Variants in ALPK1 observed in about 807,000 individuals in gnomAD.
The protein encoded by ALPK1 is alpha kinase 1.
Under a neutral mutation model 120.6 loss-of-function variants are expected in ALPK1, and 110 were observed. The ratio of observed to expected loss-of-function variants is 0.91; its 90% CI spans 0.78 to 1.07. The LOEUF (loss-of-function observed/expected upper bound fraction) is 1.07. Ranked by LOEUF, ALPK1 falls within the 50% of genes least tolerant of loss-of-function variation. The pLI, the probability that ALPK1 is intolerant of heterozygous loss-of-function variation, is 0.00. For missense variants in ALPK1, 1,498 were observed against 1,483.9 expected, an observed-to-expected ratio of 1.01 and a Z score of -0.16; for synonymous variants, 582 against 560.3, an observed-to-expected ratio of 1.04 and a Z score of -0.55.
At chr4:112,370,757 G>A (rs1172984176) in intron 2 of ALPK1, among the ~76,000 whole-genome samples, 1 of 152,300 alleles carries the variant, frequency 6.6e-6, no homozygotes, top group African/African-American at 2.4e-5. Flanking sequence ...ACAGAGAAAA[G>A]GGAAAATGCT....
intron 4 of ALPK1, among the ~76,000 whole-genome samples, chr4:112,408,473 C>CT (rs754785103): frequency 0.056 from 7,964 of 143,488 alleles, 402 homozygotes; most frequent in African/African-American, 0.13. Flanking sequence ...CAATGACTGA[C>CT]TTTTTTTTTT....
chr4:112,426,544 G>C lies in ALPK1; in HGVS notation c.699+1G>C. 1.9e-6 allele frequency: 3 copies of C among 1,570,314 alleles called. No individual in the cohort carries two copies. The highest frequency in any genetic ancestry group is 2.6e-6 in the Non-Finnish European group (3 of 1,162,924). ...GGCACTTCCTCAGCCGGATAAAAAG[G>C]TGGTTTGTCTAGTGCTTCTTTTTCT... On this transcript the variant is annotated splice_donor_variant, in intron 8 of 15. Transcript: ENST00000650871. LOFTEE classifies it high-confidence loss of function.
At chr4:112,312,285 T>A (rs1464161487) in intron 1 of ALPK1, among the ~76,000 whole-genome samples, 1 of 152,300 alleles carries the variant, frequency 6.6e-6, no homozygotes, top group African/African-American at 2.4e-5. Flanking sequence ...AGATTCTTTT[T>A]TTTTTTGAGA....
At chr4:112,323,968 G>A (rs976627028) in intron 2 of ALPK1, among the ~76,000 whole-genome samples, 1 of 152,188 alleles carries the variant, frequency 6.6e-6, no homozygotes, top group African/African-American at 2.4e-5. Context: ...TGTGCATGCA[G>A]TCAGTGGGTT....
chr4:112,324,231 G>A (rs1729000254), intron 2 of ALPK1, among the ~76,000 whole-genome samples: 1 of 151,930 alleles, frequency 6.6e-6, no homozygotes, highest in South Asian at 2.1e-4. Flanking sequence ...GGAGGCTGAG[G>A]CAGGAGAATG....
At chr4:112,357,050 C>T in intron 2 of ALPK1, 1 of 889,686 alleles carries the variant, frequency 1.1e-6, no homozygotes, top group South Asian at 1.4e-5. Flanking sequence ...CAGCTCAGGG[C>T]TGAACATGGA....
chr4:112,362,847 T>A (rs1181658099), intron 2 of ALPK1, among the ~76,000 whole-genome samples: 1 of 152,188 alleles, frequency 6.6e-6, no homozygotes, highest in Non-Finnish European at 1.5e-5. Context: ...AAGCATCAGG[T>A]AATCTGTTAA....
At chr4:112,328,625 C>G (rs1218397534) in intron 2 of ALPK1, among the ~76,000 whole-genome samples, 1 of 152,208 alleles carries the variant, frequency 6.6e-6, no homozygotes, top group Non-Finnish European at 1.5e-5. Context: ...ATTCAGGACT[C>G]CTAAGAAAGC....
intron 2 of ALPK1, among the ~76,000 whole-genome samples, chr4:112,372,272 G>A (rs1257587241): frequency 6.7e-6 from 1 of 149,462 alleles, no homozygotes; most frequent in Non-Finnish European, 1.5e-5. Context: ...GGAGTGCAGT[G>A]GCGTGATCTT....
At chr4:112,362,462 A>G (rs1174130566) in intron 2 of ALPK1, among the ~76,000 whole-genome samples, 1 of 152,200 alleles carries the variant, frequency 6.6e-6, no homozygotes, top group Admixed American at 6.5e-5. Context: ...TCAGCAACAG[A>G]ATTGAACTAG....
chr4:112,333,101 AT>A (rs1349457704), intron 2 of ALPK1, among the ~76,000 whole-genome samples: 2 of 152,238 alleles, frequency 1.3e-5, no homozygotes, highest in Non-Finnish European at 2.9e-5. Flanking sequence ...ATTTTCAATT[AT>A]AATACATAGA....
At chr4:112,436,179 T>C (rs1201576562) in intron 12 of ALPK1, among the ~76,000 whole-genome samples, 1 of 152,236 alleles carries the variant, frequency 6.6e-6, no homozygotes, top group Non-Finnish European at 1.5e-5. Context: ...TGGAAGTACA[T>C]TTCTTGAAAA....
chr4:112,426,799 T>A (rs1247379677), intron 8 of ALPK1, among the ~76,000 whole-genome samples: 1 of 152,234 alleles, frequency 6.6e-6, no homozygotes, highest in Non-Finnish European at 1.5e-5. Context: ...TTATCTCTAC[T>A]GGTCCATTCA....
At chr4:112,371,543 T>G (rs1278613888) in intron 2 of ALPK1, among the ~76,000 whole-genome samples, 3 of 152,238 alleles carry the variant, frequency 2.0e-5, no homozygotes, top group African/African-American at 7.2e-5. Flanking sequence ...CTTTCAAAGC[T>G]TAATTCAGGC....
intron 2 of ALPK1, among the ~76,000 whole-genome samples, chr4:112,341,106 G>GGT (rs745396763): frequency 1.1e-4 from 16 of 152,076 alleles, no homozygotes; most frequent in Admixed American, 2.6e-4. Flanking sequence ...GTTGGTCGGT[G>GGT]GTGTGTGTGT....
At chr4:112,326,151 T>C (rs1729106201) in intron 2 of ALPK1, among the ~76,000 whole-genome samples, 1 of 152,206 alleles carries the variant, frequency 6.6e-6, no homozygotes, top group Non-Finnish European at 1.5e-5. Flanking sequence ...ACCAGTCAGT[T>C]TTTCCTTCCC....
chr4:112,356,883 C>T, intron 2 of ALPK1: 1 of 746,020 alleles, frequency 1.3e-6, no homozygotes, highest in Non-Finnish European at 2.5e-6. Flanking sequence ...TTTGATGAAA[C>T]TCACAAGGTG....
intron 2 of ALPK1, among the ~76,000 whole-genome samples, chr4:112,331,924 G>A (rs1331981804): frequency 6.6e-6 from 1 of 152,166 alleles, no homozygotes; most frequent in African/African-American, 2.4e-5. Context: ...ATAATCAGTT[G>A]ATTTCCTATG....
rs1734242691 is a variant in ALPK1 at position 112,426,502 on chromosome 4, T to C, written c.658T>C (p.Ser220Pro). 6.3e-7 allele frequency: 1 copy of C among 1,597,926 alleles called. No individual in the cohort carries two copies. The change falls in exon 8 of 16, where the codon TCC becomes CCC. Residue 220 changes from serine to proline, a missense_variant. Transcript: ENST00000650871. The stretch of plus-strand genomic sequence containing the variant: ...CGAAGCAGCAGAGTTAATATGGGCC[T>C]CCATTGTAGGATATTTGGCACTTCC... ...WYEAAELIWA[S>P]IVGYLALPQP...
Sources: allele counts gnomAD v4.1 joint callset (sites outside exome capture counted in the v4.1 genomes callset), GRCh38; gene constraint gnomAD v4.1.1; transcripts MANE v1.5; gene names NCBI Gene and HGNC (gene_info 2026-07-23, HGNC 2026-07-21).